ADAMTS18: variants seen among roughly 807,000 people sequenced by gnomAD.
ADAMTS18 encodes ADAM metallopeptidase with thrombospondin type 1 motif 18.
A neutral mutation model predicts 165.9 loss-of-function variants in ADAMTS18; 157 were observed. The observed-to-expected ratio is 0.95, with a 90% CI of 0.83 to 1.08. The LOEUF is 1.08. Among genes scored for constraint, ADAMTS18 ranks in the 50% least tolerant of loss-of-function variants. ADAMTS18 has a pLI of 0.00. For synonymous variants in ADAMTS18, 782 were observed against 578.2 expected, an observed-to-expected ratio of 1.35 and a Z score of -5.06; for missense variants, 2,040 against 1,534.0, an observed-to-expected ratio of 1.33 and a Z score of -5.51.
At chr16:77,324,110 A>G (rs376588076) in intron 13 of ADAMTS18, among the ~76,000 whole-genome samples, 3 of 152,226 alleles carry the variant, frequency 2.0e-5, no homozygotes, top group African/African-American at 7.2e-5. Context: ...TGAATGAAAG[A>G]TGTAATGTGA....
At chr16:77,427,609 G>A (rs1000252161) in intron 3 of ADAMTS18, among the ~76,000 whole-genome samples, 1 of 152,166 alleles carries the variant, frequency 6.6e-6, no homozygotes, top group Non-Finnish European at 1.5e-5. Flanking sequence ...ATAAAAAACA[G>A]GGGTGAGCTT....
At chr16:77,349,308 C>A (rs1395568964) in intron 10 of ADAMTS18, among the ~76,000 whole-genome samples, 1 of 151,980 alleles carries the variant, frequency 6.6e-6, no homozygotes, top group African/African-American at 2.4e-5. Flanking sequence ...ACACCTCCCC[C>A]ATATTTTGCC....
intron 10 of ADAMTS18, among the ~76,000 whole-genome samples, chr16:77,350,396 A>G (rs1252033457): frequency 1.3e-5 from 2 of 152,136 alleles, no homozygotes; most frequent in African/African-American, 4.8e-5. Context: ...GGTGGTGATG[A>G]TGCTGAAGAC....
intron 3 of ADAMTS18, among the ~76,000 whole-genome samples, chr16:77,385,320 A>T (rs1206799200): frequency 2.0e-5 from 3 of 152,212 alleles, no homozygotes; most frequent in Admixed American, 2.0e-4. Context: ...TTTGGATAGT[A>T]AGGAATTTAT....
intron 22 of ADAMTS18, among the ~76,000 whole-genome samples, chr16:77,287,932 C>A (rs2055287035): frequency 6.6e-6 from 1 of 152,046 alleles, no homozygotes; most frequent in South Asian, 2.1e-4. Context: ...AGAATAGGAC[C>A]CAGCTGTATT....
chr16:77,332,317 G>A (rs541033881), intron 12 of ADAMTS18, among the ~76,000 whole-genome samples: 1 of 152,106 alleles, frequency 6.6e-6, no homozygotes, highest in Non-Finnish European at 1.5e-5. Context: ...CGTCAGTAAA[G>A]GCTCTGCCTC....
intron 4 of ADAMTS18, among the ~76,000 whole-genome samples, chr16:77,364,787 CAAAGCAAAGG>C (rs1467364138): frequency 7.4e-6 from 1 of 135,638 alleles, no homozygotes; most frequent in African/African-American, 3.4e-5. Context: ...GAAAGCAAAG[CAAAGCAAAGG>C]AAAGAAAAGA....
At chr16:77,334,569 A>T (rs1447510278) in intron 12 of ADAMTS18, among the ~76,000 whole-genome samples, 1 of 112,574 alleles carries the variant, frequency 8.9e-6, no homozygotes, top group Non-Finnish European at 1.7e-5. Context: ...ATAGTAGTAT[A>T]TATAGTATAT....
chr16:77,402,516 T>C (rs1461786202), intron 3 of ADAMTS18, among the ~76,000 whole-genome samples: 1 of 152,172 alleles, frequency 6.6e-6, no homozygotes, highest in Non-Finnish European at 1.5e-5. Flanking sequence ...AAACTGAATC[T>C]ACTTGTAAGC....
At chr16:77,319,752 C>T in intron 16 of ADAMTS18, 97 bp downstream of exon 16, 1 of 1,596,218 alleles carries the variant, frequency 6.3e-7, no homozygotes, top group Non-Finnish European at 8.6e-7. Context: ...CAGGAAACAC[C>T]TTTGAACTAG....
In ADAMTS18 at chr16:77,294,908, G is replaced by A. The variant is rs748386211; in HGVS notation, c.3006+15C>T. 9.9e-6 allele frequency: 16 copies of A among 1,613,572 alleles called. No individual in the cohort carries two copies. Among genetic ancestry groups the A allele is most frequent in the Non-Finnish European group, 1.7e-6 (2 of 1,179,760 alleles). On this transcript the variant is annotated intron_variant, in intron 19 of 22. Transcript: ENST00000282849. ...GGGGACCGAGAATAGTAACTCCCAA[G>A]TTTTCTCCTGTTACCTGAGACCAGG...
intron 3 of ADAMTS18, among the ~76,000 whole-genome samples, chr16:77,378,016 G>A (rs1044547251): frequency 6.6e-6 from 1 of 152,142 alleles, no homozygotes; most frequent in African/African-American, 2.4e-5. Flanking sequence ...ATTGGTAAAA[G>A]GATGTTTAGG....
chr16:77,372,466 G>A (rs555225703), intron 3 of ADAMTS18, among the ~76,000 whole-genome samples: 1 of 152,318 alleles, frequency 6.6e-6, no homozygotes, highest in South Asian at 2.1e-4. Flanking sequence ...TGGTAACACA[G>A]GATAGTCATC....
intron 16 of ADAMTS18, among the ~76,000 whole-genome samples, chr16:77,318,877 T>G (rs1013613410): frequency 3.9e-5 from 6 of 152,146 alleles, no homozygotes; most frequent in African/African-American, 1.4e-4. Context: ...ATGCAAGTGC[T>G]CAGTATCATT....
intron 19 of ADAMTS18, among the ~76,000 whole-genome samples, chr16:77,294,645 A>G (rs2055430579): frequency 6.6e-6 from 1 of 152,170 alleles, no homozygotes; most frequent in Admixed American, 6.5e-5. Flanking sequence ...GTCTTCTGAT[A>G]CTGGAATCCT....
At chr16:77,414,005 G>T (rs1368934075) in intron 3 of ADAMTS18, among the ~76,000 whole-genome samples, 1 of 152,056 alleles carries the variant, frequency 6.6e-6, no homozygotes, top group East Asian at 1.9e-4. Context: ...CAACTACATA[G>T]AAATATGATG....
At chr16:77,422,701 G>T (rs1475829516) in intron 3 of ADAMTS18, among the ~76,000 whole-genome samples, 2 of 152,046 alleles carry the variant, frequency 1.3e-5, no homozygotes, top group Non-Finnish European at 2.9e-5. Flanking sequence ...TTATTCCAGA[G>T]CCAAAAAAAT....
rs753006224 is a variant in ADAMTS18 at position 77,434,467 on chromosome 16, G to T, written c.129C>A (p.Ala43=). 4 of 1,570,810 alleles carry T rather than the reference G, an allele frequency of 2.5e-6. No individual in the cohort carries two copies. Among genetic ancestry groups the T allele is most frequent in the Non-Finnish European group, 3.4e-6 (4 of 1,163,560 alleles). Residue 43 remains alanine (A), a synonymous_variant, in exon 2 of 23, where the codon GCC becomes GCA. Transcript: ENST00000282849. ...QLCCLCCASV[A]AALASDSSSG... Reference sequence around the variant, plus strand: ...TGCTGCTGTCACTGGCTAAGGCCGCGGCGACCGACGCACAGCAGAGGCAGC... The same window carrying T: ...TGCTGCTGTCACTGGCTAAGGCCGCTGCGACCGACGCACAGCAGAGGCAGC...
intron 3 of ADAMTS18, among the ~76,000 whole-genome samples, chr16:77,425,009 G>C (rs2057653769): frequency 6.6e-6 from 1 of 152,194 alleles, no homozygotes; most frequent in South Asian, 2.1e-4. Context: ...GGCAGGCAGT[G>C]ACCAGCAACA....
Sources: allele counts gnomAD v4.1 joint callset (sites outside exome capture counted in the v4.1 genomes callset), GRCh38; gene constraint gnomAD v4.1.1; transcripts MANE v1.5; gene names NCBI Gene and HGNC (gene_info 2026-07-23, HGNC 2026-07-21).